Variants in CNTNAP3 observed in about 807,000 individuals in gnomAD.
The protein encoded by CNTNAP3 is contactin-associated protein-like 3.
CNTNAP3 carries 36 observed loss-of-function variants against 92.1 expected under a neutral mutation model. The ratio of observed to expected loss-of-function variants is 0.39; its 90% confidence interval spans 0.30 to 0.52. The LOEUF is 0.52. Ranked by LOEUF, CNTNAP3 falls within the 20% of genes least tolerant of loss-of-function variation. The pLI is 0.76. For missense variants in CNTNAP3, 534 were observed against 1,069.6 expected (o/e 0.50, Z 6.98); for synonymous variants, 232 against 422.3 (o/e 0.55, Z 5.53).
rs192518663 is a variant in CNTNAP3 at position 39,129,464 on chromosome 9, A to G, written c.2080+3468T>C. Among the ~76,000 whole-genome samples the G allele has an allele frequency of 3.4e-3, 519 of 152,320 alleles. 14 individuals are homozygous for G. The East Asian group carries it at 0.081, about 24-fold the overall frequency. On this transcript the variant is annotated intron_variant, in intron 13 of 23. Coordinates refer to ENST00000297668, the MANE Select transcript of CNTNAP3 (RefSeq NM_033655.5). The stretch of plus-strand genomic sequence containing the variant: ...GAGAGAGAATCAACTCTCACATCTT[A>G]TATAAAATGTGTCCCAAAATAGGGC...
rs956716205 is a variant in CNTNAP3, at chr9:39,102,541, G to A, written c.2711C>T (p.Ala904Val). The A allele has an allele frequency of 6.6e-7, 1 of 1,504,456 alleles. No homozygotes were observed. The highest frequency in any genetic ancestry group is 1.4e-5 in the African/African-American group (1 of 72,260). The allele number at this position is 1,504,456 out of a possible 1,614,324, so 93.2% of individuals were successfully genotyped here. ...GAGCTGTAAACGAACGTGCCCATCA[G>A]CAGGGGCAGGCTGCATCTTCTGAGG... ...QLPQKMQPAPADGHVRLQLNS... is the reference protein window; with the variant it reads ...QLPQKMQPAPVDGHVRLQLNS... Residue 904 changes from alanine (A) to valine (V), a missense_variant, in exon 17 of 24, where the codon GCT (alanine) becomes GTT (valine). Transcript: ENST00000297668.
chr9:39,099,209 C>T (rs1436416467), intron 18 of CNTNAP3, among the ~76,000 whole-genome samples: 3 of 152,050 alleles, frequency 2.0e-5, no homozygotes, highest in Non-Finnish European at 4.4e-5. Flanking sequence ...CTGCCTTGGC[C>T]TCCCAAAGTG....
At chr9:39,107,312 G>GGGAA (rs772485564) in intron 15 of CNTNAP3, among the ~76,000 whole-genome samples, 48 of 150,504 alleles carry the variant, frequency 3.2e-4, no homozygotes, top group East Asian at 5.9e-4. Context: ...GGAGGGAGTG[G>GGGAA]GGAAGGAAGG....
At chr9:39,113,634 A>G (rs1002634020) in intron 14 of CNTNAP3, among the ~76,000 whole-genome samples, 9 of 152,020 alleles carry the variant, frequency 5.9e-5, no homozygotes, top group Admixed American at 5.9e-4. Context: ...TTGTGTCTTT[A>G]ACTGACACAC....
At chr9:39,085,188 T>C (rs1826039194) in intron 21 of CNTNAP3, 1 of 148,680 alleles carries the variant, frequency 6.7e-6, no homozygotes, top group African/African-American at 2.6e-5. Flanking sequence ...ACAATTACTG[T>C]AACTTTCTAC....
intron 23 of CNTNAP3, among the ~76,000 whole-genome samples, chr9:39,074,888 G>T (rs1825714093): frequency 6.6e-6 from 1 of 152,224 alleles, no homozygotes; most frequent in Admixed American, 6.5e-5. Flanking sequence ...CCTGCCTCAG[G>T]CTCCTGAGTA....
intron 18 of CNTNAP3, among the ~76,000 whole-genome samples, chr9:39,090,867 A>G (rs1002860303): frequency 6.6e-6 from 1 of 152,302 alleles, no homozygotes; most frequent in Non-Finnish European, 1.5e-5. Flanking sequence ...ATTTCTTTCA[A>G]TGCTTTATAG....
chr9:39,094,521 T>G (rs1462504099), intron 18 of CNTNAP3, among the ~76,000 whole-genome samples: 1 of 151,566 alleles, frequency 6.6e-6, no homozygotes, highest in East Asian at 1.9e-4. Context: ...TGATTCATTT[T>G]GAGTTAATTT....
At chr9:39,149,999 G>C (rs1204566015) in intron 9 of CNTNAP3, 22 bp from the exon 10 acceptor site, 3 of 1,610,726 alleles carry the variant, frequency 1.9e-6, no homozygotes, top group African/African-American at 2.7e-5. Flanking sequence ...GACAAAAATA[G>C]GACAAAAGCA....
Position 39,066,988 on chromosome 9 carries a change from C to T in CNTNAP3, c.*6902G>A, listed in dbSNP as rs1825521642. On this transcript the variant is annotated 3_prime_UTR_variant, in exon 24 of 24. Transcript: ENST00000297668. Reference sequence around the variant, plus strand: ...CTCCTTTGAGAACTCCAAATACACACAGATTAGGCAACTGAAGTTGTCCCA... The same window carrying T: ...CTCCTTTGAGAACTCCAAATACACATAGATTAGGCAACTGAAGTTGTCCCA... Among the ~76,000 whole-genome samples, 1 of 152,272 alleles carries T rather than the reference C, an allele frequency of 6.6e-6. No individual in the cohort carries two copies. Among genetic ancestry groups the T allele is most frequent in the Admixed American group, 6.5e-5 (1 of 15,286 alleles).
intron 12 of CNTNAP3, among the ~76,000 whole-genome samples, chr9:39,139,554 T>C (rs1230488414): frequency 6.6e-6 from 1 of 152,168 alleles, no homozygotes; most frequent in African/African-American, 2.4e-5. Flanking sequence ...GCTGACCCAT[T>C]TGGTTATTGT....
In CNTNAP3 at chr9:39,103,736, G is replaced by A. The variant is rs376067645; in HGVS notation, c.2536+8C>T. ...TACCCTGTGACTTGTCCAGAGTGGC[G>A]AGCTTACCACGCAGCTCAATCCTGA... is the stretch of plus-strand genomic sequence containing the variant. On this transcript the variant is annotated splice_region_variant and intron_variant, in intron 16 of 23. Coordinates refer to ENST00000297668, the MANE Select transcript of CNTNAP3 (RefSeq NM_033655.5). The A allele has an allele frequency of 1.1e-5, 17 of 1,607,408 alleles. No individual in the cohort carries two copies. The highest frequency in any genetic ancestry group is 2.3e-4 in the Middle Eastern group (1 of 4,444).
chr9:39,114,196 C>T (rs1218316252), intron 14 of CNTNAP3, among the ~76,000 whole-genome samples: 2 of 151,464 alleles, frequency 1.3e-5, no homozygotes, highest in Non-Finnish European at 2.9e-5. Flanking sequence ...CATTCTCCTG[C>T]CTCAGCCTCC....
intron 13 of CNTNAP3, among the ~76,000 whole-genome samples, chr9:39,129,595 C>T (rs1193624084): frequency 2.6e-5 from 4 of 152,130 alleles, no homozygotes; most frequent in African/African-American, 4.8e-5. Context: ...AGAATTGACA[C>T]GATGTGTACA....
intron 12 of CNTNAP3, among the ~76,000 whole-genome samples, chr9:39,137,653 C>T (rs1301891800): frequency 6.6e-6 from 1 of 151,630 alleles, no homozygotes. Flanking sequence ...GCTGGGACTA[C>T]AGGCACCCGC....
At chr9:39,132,905 C>T in intron 13 of CNTNAP3, 27 bp downstream of exon 13, 1 of 1,532,140 alleles carries the variant, frequency 6.5e-7, no homozygotes, top group South Asian at 1.2e-5. Flanking sequence ...CCCGTGAACC[C>T]CTGTAGCCTC....
intron 11 of CNTNAP3, among the ~76,000 whole-genome samples, chr9:39,143,299 G>A (rs1314056170): frequency 1.3e-5 from 2 of 151,920 alleles, no homozygotes; most frequent in African/African-American, 2.4e-5. Flanking sequence ...GAGGAAGGTT[G>A]GTTACAAGAG....
In CNTNAP3 at chr9:39,109,162, T is replaced by C. The variant is rs1826681454; in HGVS notation, c.2363A>G (p.Asp788Gly). 1 of 1,609,566 alleles carries C rather than the reference T, an allele frequency of 6.2e-7. No individual in the cohort carries two copies. Among genetic ancestry groups the C allele is most frequent in the African/African-American group, 1.3e-5 (1 of 74,730 alleles). Reference sequence around the variant, plus strand: ...AGCTTTTTCTTGACACTACTTACGATCTCCGCGGCAGAGCAGTGGCCCCAG... The same window carrying C: ...AGCTTTTTCTTGACACTACTTACGACCTCCGCGGCAGAGCAGTGGCCCCAG... ...YTLGPLLCRG[D>G]QSFWNSASFN... Residue 788 changes from aspartate to glycine, a missense_variant and splice_region_variant, in exon 15 of 24, where the codon GAT (aspartate) becomes GGT (glycine). Physicochemically the swap from Asp to Gly is moderately conservative, Grantham distance 94. Coordinates refer to ENST00000297668, the MANE Select transcript of CNTNAP3 (RefSeq NM_033655.5).
At chr9:39,119,839 C>T (rs116874763) in intron 13 of CNTNAP3, among the ~76,000 whole-genome samples, 5,778 of 152,178 alleles carry the variant, frequency 0.038, 160 homozygotes, top group Non-Finnish European at 0.06. Flanking sequence ...TTAAAAAACT[C>T]TGAATGGGCT....
Sources: allele counts gnomAD v4.1 joint callset (sites outside exome capture counted in the v4.1 genomes callset), GRCh38; gene constraint gnomAD v4.1.1; transcripts MANE v1.5; gene names NCBI Gene and HGNC (gene_info 2026-07-23, HGNC 2026-07-21).